RHOQ: variants seen among roughly 807,000 people sequenced by gnomAD.
The protein encoded by RHOQ is rho-related GTP-binding protein RhoQ.
RHOQ carries 7 observed loss-of-function variants against 25.8 expected under a neutral mutation model. That is an observed-to-expected ratio of 0.27 (90% CI 0.15 to 0.51). The LOEUF (loss-of-function observed/expected upper bound fraction) is 0.51, where lower values mean the gene tolerates loss of function less well. Ranked by LOEUF, RHOQ falls within the 20% of genes least tolerant of loss-of-function variation. The pLI, the probability that RHOQ is intolerant of heterozygous loss-of-function variation, is 0.97. For synonymous variants in RHOQ, 97 were observed against 98.6 expected (o/e 0.98, Z 0.10); for missense variants, 165 against 260.6 (o/e 0.63, Z 2.53).
chr2:46,578,569 C>CAAAAAAAAAAAAAAA lies in RHOQ; in HGVS notation c.462+1936_462+1950dup, dbSNP rs755333304. 7.9e-4 allele frequency among the ~76,000 whole-genome samples: 19 copies of CAAAAAAAAAAAAAAA among 24,066 alleles called. 4 individuals carry two copies. The highest frequency in any genetic ancestry group is 1.1e-3 in the Non-Finnish European group (14 of 13,130). 15.8% of individuals were successfully genotyped at this position (24,066 alleles called of 152,430 possible). A position where few individuals can be genotyped will look rare whatever the true frequency, so the allele number is the denominator to read the frequency against. ...CAACATGGTGAAACCCCATCTCTAC[C>CAAAAAAAAAAAAAAA]AAAAAAAAAAAAAAAAAAAAAAAAA... On this transcript the variant is annotated intron_variant, in intron 4 of 4. Transcript: ENST00000238738.
chr2:46,565,122 T>A (rs1055711265), intron 2 of RHOQ, among the ~76,000 whole-genome samples: 3 of 152,182 alleles, frequency 2.0e-5, no homozygotes, highest in African/African-American at 7.2e-5. Context: ...GTGAATACTT[T>A]GCTCTGATTG....
chr2:46,575,195 T>A (rs1669070571), intron 2 of RHOQ, among the ~76,000 whole-genome samples: 2 of 152,156 alleles, frequency 1.3e-5, no homozygotes, highest in South Asian at 4.1e-4. Flanking sequence ...TAGAAAGATG[T>A]CCAAGACAAA....
In RHOQ at chr2:46,543,780, T is replaced by C; in HGVS notation, c.169T>C (p.Tyr57His). 6.2e-7 allele frequency: 1 copy of C among 1,613,752 alleles called. No individual in the cohort carries two copies. Among genetic ancestry groups the C allele is most frequent in the Non-Finnish European group, 8.5e-7 (1 of 1,179,874 alleles). ...CAGCGTCACCGTGGGGGGCAAGCAG[T>C]ACCTCCTAGGACTCTATGACACGGC... ...AVSVTVGGKQ[Y>H]LLGLYDTAGQ... Residue 57 changes from tyrosine (Y) to histidine (H), a missense_variant, in exon 2 of 5, where the codon TAC (tyrosine) becomes CAC (histidine). By Grantham distance (83) the Tyr-to-His change is moderately conservative. Transcript: ENST00000238738.
intron 2 of RHOQ, among the ~76,000 whole-genome samples, chr2:46,564,508 C>T (rs929474574): frequency 6.6e-6 from 1 of 152,160 alleles, no homozygotes; most frequent in Non-Finnish European, 1.5e-5. Context: ...AAGCCATCCT[C>T]GTCCTCAGAT....
At chr2:46,544,067 G>T (rs1344152531) in intron 2 of RHOQ, among the ~76,000 whole-genome samples, 1 of 152,158 alleles carries the variant, frequency 6.6e-6, no homozygotes, top group African/African-American at 2.4e-5. Context: ...TCTGTGTGGC[G>T]CCTGGTGTGT....
chr2:46,580,858 G>A (rs1054524576), intron 4 of RHOQ, 70 bp from the exon 5 acceptor site: 11 of 1,061,542 alleles, frequency 1.0e-5, no homozygotes, highest in Non-Finnish European at 1.4e-5. Context: ...TCTTTATAAT[G>A]ATGTGTTTAT....
Position 46,552,549 on chromosome 2 carries a change from TAAATATGGCGCA to T in RHOQ, c.201+8741_201+8752del, listed in dbSNP as rs1173896980. Reference sequence around the variant, plus strand: ...GTCCCTCCTTCATCTGAATATTCTCTAAATATGGCGCAAAACTTCCTCTGCCACCTGCTGCTC... The same window carrying T: ...GTCCCTCCTTCATCTGAATATTCTCTAAACTTCCTCTGCCACCTGCTGCTC... On this transcript the variant is annotated intron_variant, in intron 2 of 4. Transcript: ENST00000238738. The surrounding 1 kb of genome is among the most constrained non-coding windows in gnomAD (Gnocchi z 5.0). Among the ~76,000 whole-genome samples the T allele has an allele frequency of 6.6e-6, 1 of 152,250 alleles. No individual in the cohort carries two copies. The highest frequency in any genetic ancestry group is 6.5e-5 in the Admixed American group (1 of 15,290).
Position 46,566,885 on chromosome 2 carries a change from T to G in RHOQ, c.202-9202T>G, listed in dbSNP as rs1668752227. On this transcript the variant is annotated intron_variant, in intron 2 of 4. Transcript: ENST00000238738. The surrounding 1 kb of genome is among the most constrained non-coding windows in gnomAD (Gnocchi z 4.2). Reference sequence around the variant, plus strand: ...GCAGACTGAAACTCATCTTCCTGGTTATTCTCTCTCCCAGAACCTGGCTCT... The same window carrying G: ...GCAGACTGAAACTCATCTTCCTGGTGATTCTCTCTCCCAGAACCTGGCTCT... 6.6e-6 allele frequency among the ~76,000 whole-genome samples: 1 copy of G among 152,228 alleles called. No homozygotes were observed. The highest frequency in any genetic ancestry group is 1.5e-5 in the Non-Finnish European group (1 of 68,028).
In RHOQ at chr2:46,581,706, A is replaced by C. The variant is rs1669383795; in HGVS notation, c.*623A>C. The stretch of plus-strand genomic sequence containing the variant: ...TTAATGTGCTTTCTTAAAGAATGCC[A>C]AAAGTGTAATAAGGTCATAACTGCA... On this transcript the variant is annotated 3_prime_UTR_variant, in exon 5 of 5. Coordinates refer to ENST00000238738, the MANE Select transcript of RHOQ (RefSeq NM_012249.4). The C allele has an allele frequency of 1.4e-6, 2 of 1,424,930 alleles. No homozygotes were observed. The highest frequency in any genetic ancestry group is 4.7e-5 in the Admixed American group (2 of 42,422). The allele number at this position is 1,424,930 out of a possible 1,614,324, so 88.3% of individuals were successfully genotyped here. A position where few individuals can be genotyped will look rare whatever the true frequency, so the allele number is the denominator to read the frequency against.
intron 4 of RHOQ, among the ~76,000 whole-genome samples, chr2:46,579,371 GCA>G (rs1558694542): frequency 6.6e-6 from 1 of 152,190 alleles, no homozygotes; most frequent in African/African-American, 2.4e-5. Flanking sequence ...CTTGTAGCTT[GCA>G]CAGTCTACAA....
At chr2:46,559,571 T>G (rs1668507441) in intron 2 of RHOQ, among the ~76,000 whole-genome samples, 1 of 152,142 alleles carries the variant, frequency 6.6e-6, no homozygotes. Context: ...GGCTGTCTTG[T>G]GCACTGTAGG....
At chr2:46,559,469 G>C (rs146433423) in intron 2 of RHOQ, among the ~76,000 whole-genome samples, 49 of 152,254 alleles carry the variant, frequency 3.2e-4, no homozygotes, top group African/African-American at 1.1e-3. Flanking sequence ...GCATGTATGG[G>C]CAGGGCTGGT....
intron 4 of RHOQ, among the ~76,000 whole-genome samples, chr2:46,579,182 G>A (rs963397908): frequency 7.2e-5 from 11 of 152,170 alleles, no homozygotes; most frequent in Admixed American, 2.6e-4. Flanking sequence ...GCACAGTTGC[G>A]TCCTTCCTGA....
chr2:46,572,663 T>C (rs1668971716), intron 2 of RHOQ: 2 of 411,728 alleles, frequency 4.9e-6, no homozygotes, highest in South Asian at 1.7e-5. Flanking sequence ...CTAGTTACCA[T>C]GCTGAAATGT....
Position 46,548,855 on chromosome 2 carries a change from C to T in RHOQ, c.201+5043C>T, listed in dbSNP as rs1018251310. Among the ~76,000 whole-genome samples, 11 of 152,222 alleles carry T rather than the reference C, an allele frequency of 7.2e-5. No individual in the cohort carries two copies. The highest frequency in any genetic ancestry group is 2.6e-4 in the Admixed American group (4 of 15,290). ...ACGGGAATGCTGGTTTCCTCCTCTG[C>T]GTTGGGAAGGTGGATAGCCTTTGTT... On this transcript the variant is annotated intron_variant, in intron 2 of 4. Coordinates refer to ENST00000238738, the MANE Select transcript of RHOQ (RefSeq NM_012249.4). This position sits in a 1 kb window ranked among gnomAD's most constrained non-coding sequence, Gnocchi z 5.2.
At chr2:46,573,524 C>G (rs1669005429) in intron 2 of RHOQ, among the ~76,000 whole-genome samples, 1 of 152,176 alleles carries the variant, frequency 6.6e-6, no homozygotes, top group Admixed American at 6.5e-5. Flanking sequence ...ACAAAACCTG[C>G]AATTTAAGAA....
At chr2:46,579,647 T>A (rs1669271640) in intron 4 of RHOQ, among the ~76,000 whole-genome samples, 1 of 151,606 alleles carries the variant, frequency 6.6e-6, no homozygotes, top group Non-Finnish European at 1.5e-5. Context: ...AGGTTGGGAG[T>A]TGGAGACCAC....
intron 2 of RHOQ, among the ~76,000 whole-genome samples, chr2:46,553,980 G>A (rs1668330881): frequency 2.0e-5 from 3 of 152,084 alleles, no homozygotes; most frequent in South Asian, 2.1e-4. Flanking sequence ...ATGTCCATGA[G>A]TTCAATTGTT....
Position 46,581,274 on chromosome 2 carries a change from T to A in RHOQ, c.*191T>A. On this transcript the variant is annotated 3_prime_UTR_variant, in exon 5 of 5. Transcript: ENST00000238738. ...GGTTTAAGAAGCAGTAAGCAGCATC[T>A]GAAGCCACAATCTATTATAAATACT... 2 of 972,690 alleles carry A rather than the reference T, an allele frequency of 2.1e-6. No individual in the cohort carries two copies. Among genetic ancestry groups the A allele is most frequent in the Non-Finnish European group, 3.0e-6 (2 of 668,594 alleles). 60.3% of individuals were successfully genotyped at this position (972,690 alleles called of 1,614,324 possible). A position where few individuals can be genotyped will look rare whatever the true frequency, so the allele number is the denominator to read the frequency against.
Sources: allele counts gnomAD v4.1 joint callset (sites outside exome capture counted in the v4.1 genomes callset), GRCh38; gene constraint gnomAD v4.1.1; non-coding constraint Gnocchi (gnomAD v3.1); transcripts MANE v1.5; gene names NCBI Gene and HGNC (gene_info 2026-07-23, HGNC 2026-07-21).